The following NT5DC4 variants were observed in gnomAD, a reference collection of about 807,000 sequenced individuals.
NT5DC4 encodes the protein 5'-nucleotidase domain containing 4, also known as 5'-nucleotidase domain-containing protein 4.
NT5DC4 carries 44 observed loss-of-function variants against 26.6 expected under a neutral mutation model. The ratio of observed to expected loss-of-function variants is 1.65; its 90% CI spans 1.30 to 2.13. The LOEUF (loss-of-function observed/expected upper bound fraction) is 2.13, where lower values mean the gene tolerates loss of function less well. NT5DC4 is among the 30% of genes most tolerant of loss of function. NT5DC4 has a pLI of 0.00. For synonymous variants in NT5DC4, 157 were observed against 86.7 expected (o/e 1.81, Z -4.51); for missense variants, 399 against 228.1 (o/e 1.75, Z -4.83).
chr2:112,742,863 A>G (rs982453456), downstream of NT5DC4: 5 of 798,118 alleles, frequency 6.3e-6, no homozygotes, highest in East Asian at 2.5e-5. Flanking sequence ...TTTTATAATA[A>G]AAGTTTCCTT....
downstream of NT5DC4, among the ~76,000 whole-genome samples, chr2:112,741,884 CTGAG>C (rs1269921552): frequency 6.6e-6 from 1 of 151,436 alleles, no homozygotes; most frequent in African/African-American, 2.4e-5. Flanking sequence ...CCTCAGCCTC[CTGAG>C]TATCTGGGAT....
At chr2:112,735,417 C>T (rs538614774) in intron 16 of NT5DC4, among the ~76,000 whole-genome samples, 1 of 152,110 alleles carries the variant, frequency 6.6e-6, no homozygotes, top group Non-Finnish European at 1.5e-5. Flanking sequence ...CAAATGTGAA[C>T]CATCATGCCT....
intron 15 of NT5DC4, among the ~76,000 whole-genome samples, chr2:112,728,393 G>C (rs139640375): frequency 1.3e-5 from 2 of 152,280 alleles, no homozygotes; most frequent in East Asian, 3.9e-4. Flanking sequence ...GGAGACCGGA[G>C]GATGCTTCTG....
At chr2:112,724,660 C>A (rs1338963964) in intron 10 of NT5DC4, 121 bp from the exon 11 acceptor site, 4 of 650,000 alleles carry the variant, frequency 6.2e-6, no homozygotes, top group Admixed American at 4.4e-5. Context: ...TTCCCAGGGG[C>A]TGAAGAGGTC....
At chr2:112,724,036 G>A (rs1574242337) in intron 9 of NT5DC4, 58 bp from the exon 10 acceptor site, 1 of 716,314 alleles carries the variant, frequency 1.4e-6, no homozygotes. Context: ...TGGTGGGTGA[G>A]GGCAGAGGCA....
chr2:112,729,634 A>G lies in NT5DC4; in HGVS notation c.1274A>G (p.His425Arg), dbSNP rs1420706182. The change falls in exon 16 of 17, where the codon CAT (histidine) becomes CGT (arginine). Residue 425 changes from histidine (H) to arginine (R), a missense_variant. Physicochemically the swap from His to Arg is conservative, Grantham distance 29 (BLOSUM62 0). Transcript: ENST00000688554. ...NFTKREIQMP[H>R]ESVVEQEQAN... ...CTGCATTTATCCCTACAGATGCCAC[A>G]TGAGTCAGTTGTGGAGCAAGAACAG... The G allele has an allele frequency of 1.4e-6, 1 of 717,540 alleles. No homozygotes were observed. Among genetic ancestry groups the G allele is most frequent in the Non-Finnish European group, 2.6e-6 (1 of 385,072 alleles). The allele number at this position is 717,540 out of a possible 1,614,324, so 44.4% of individuals were successfully genotyped here. A position where few individuals can be genotyped will look rare whatever the true frequency, so the allele number is the denominator to read the frequency against.
At chr2:112,730,764 C>T (rs1678391678) in intron 16 of NT5DC4, among the ~76,000 whole-genome samples, 3 of 152,236 alleles carry the variant, frequency 2.0e-5, no homozygotes, top group Admixed American at 6.5e-5. Flanking sequence ...CTGAGCACCT[C>T]CTGTGTGCCG....
upstream of NT5DC4, among the ~76,000 whole-genome samples, chr2:112,719,974 CTTTCTT>C (rs1553430372): frequency 1.3e-5 from 1 of 79,708 alleles, no homozygotes; most frequent in Admixed American, 1.3e-4. Flanking sequence ...TTCTTTCTTT[CTTTCTT>C]TCTTTCTTTT....
chr2:112,726,559 C>T (rs1677745378), intron 14 of NT5DC4, 119 bp from the exon 15 acceptor site: 1 of 700,368 alleles, frequency 1.4e-6, no homozygotes, highest in African/African-American at 1.8e-5. Context: ...CAGCCCGGCA[C>T]CCCCACTGGA....
intron 15 of NT5DC4, 182 bp downstream of exon 15, chr2:112,726,920 AG>A (rs995980974): frequency 1.6e-6 from 1 of 632,874 alleles, no homozygotes; most frequent in Non-Finnish European, 2.9e-6. Flanking sequence ...GACATTCCAA[AG>A]GGCAGCGGTA....
downstream of NT5DC4, chr2:112,742,822 T>A: frequency 7.6e-7 from 1 of 1,317,544 alleles, no homozygotes; most frequent in Non-Finnish European, 1.1e-6. Context: ...ATGCAAAAAA[T>A]TTGCTAAGGA....
chr2:112,720,459 G>C (rs72950338), upstream of NT5DC4, among the ~76,000 whole-genome samples: 5,075 of 152,188 alleles, frequency 0.033, 307 homozygotes, highest in African/African-American at 0.12. Context: ...GCTTGGTTGT[G>C]GAGCCAGTGG....
intron 16 of NT5DC4, among the ~76,000 whole-genome samples, chr2:112,734,848 T>C (rs1218938664): frequency 6.6e-6 from 1 of 151,534 alleles, no homozygotes; most frequent in Non-Finnish European, 1.5e-5. Flanking sequence ...CTCTACCACA[T>C]CTGGCTAATT....
At chr2:112,729,134 T>C (rs1678145336) in intron 15 of NT5DC4, among the ~76,000 whole-genome samples, 1 of 150,960 alleles carries the variant, frequency 6.6e-6, no homozygotes. Context: ...GGCTTGGGAT[T>C]TTTTTTTTGG....
intron 15 of NT5DC4, 128 bp from the exon 16 acceptor site, chr2:112,729,499 C>T (rs1678206705): frequency 1.5e-6 from 1 of 651,854 alleles, no homozygotes; most frequent in Admixed American, 2.2e-5. Context: ...AGGTTCCTTC[C>T]TCTGCAGCAA....
downstream of NT5DC4, chr2:112,739,098 ATCTT>A: frequency 2.2e-6 from 3 of 1,373,512 alleles, no homozygotes; most frequent in Non-Finnish European, 3.0e-6. Context: ...TAAAAAAATT[ATCTT>A]TATTATTTTT....
chr2:112,724,409 G>A, intron 10 of NT5DC4: 1 of 582,360 alleles, frequency 1.7e-6, no homozygotes, highest in Non-Finnish European at 3.1e-6. Context: ...GCAGGTCAAA[G>A]GGAGGGGTGC....
Position 112,738,916 on chromosome 2 carries a change from A to C in NT5DC4, c.1348A>C (p.Ile450Leu). The C allele has an allele frequency of 1.2e-6, 2 of 1,614,126 alleles. No individual in the cohort carries two copies. Among genetic ancestry groups the C allele is most frequent in the Non-Finnish European group, 1.7e-6 (2 of 1,179,974 alleles). Residue 450 changes from isoleucine to leucine, a missense_variant, in exon 17 of 17, where the codon ATC (isoleucine) becomes CTC (leucine). Transcript: ENST00000688554. Reference sequence around the variant, plus strand: ...TTGTTTCTTCCACTTCTAACAGTTCATCAAGAGAAGCCACTACTAAATCGT... The same window carrying C: ...TTGTTTCTTCCACTTCTAACAGTTCCTCAAGAGAAGCCACTACTAAATCGT... ...SCLLSCNQRF[I>L]KRSHY is the part of the protein sequence containing the mutation.
rs1301621850 is a variant in NT5DC4, at chr2:112,733,349, A to C, written c.1344+3645A>C. On this transcript the variant is annotated intron_variant, in intron 16 of 16. Coordinates refer to ENST00000688554, the MANE Select transcript of NT5DC4 (RefSeq NM_001393655.1). ...CCATTGCTTCCAAGACTGTGTGCAG[A>C]CACTGACATTCATCTCCCATTTCTG... is the stretch of plus-strand genomic sequence containing the variant. Among the ~76,000 whole-genome samples the C allele has an allele frequency of 2.0e-5, 3 of 149,646 alleles. No homozygotes were observed. The Admixed American group carries it at 2.0e-4, about 10-fold the overall frequency.
Sources: allele counts gnomAD v4.1 joint callset (sites outside exome capture counted in the v4.1 genomes callset), GRCh38; gene constraint gnomAD v4.1.1; transcripts MANE v1.5; gene names NCBI Gene and HGNC (gene_info 2026-07-23, HGNC 2026-07-21).